The following SMC1B variants were observed in gnomAD, a reference collection of about 807,000 sequenced individuals.
The protein encoded by SMC1B is structural maintenance of chromosomes 1B.
Under a neutral mutation model 157.9 loss-of-function variants are expected in SMC1B, and 60 were observed. The observed-to-expected ratio is 0.38, with a 90% CI of 0.31 to 0.47. The LOEUF is 0.47. Among genes scored for constraint, SMC1B ranks in the 20% least tolerant of loss-of-function variants. The probability of loss-of-function intolerance (pLI) is 0.99; values close to 1 mark genes in which losing one functional copy is unlikely to be tolerated. For synonymous variants in SMC1B, 445 were observed against 483.0 expected (o/e 0.92, Z 1.03); for missense variants, 1,165 against 1,426.2 (o/e 0.82, Z 2.95).
At chr22:45,381,358 A>G (rs1456475468) in intron 12 of SMC1B, among the ~76,000 whole-genome samples, 2 of 152,094 alleles carry the variant, frequency 1.3e-5, no homozygotes, top group African/African-American at 2.4e-5. Context: ...GACTGTCAGT[A>G]CCACCCTGAG....
chr22:45,401,815 G>C (rs1177298927), intron 5 of SMC1B, among the ~76,000 whole-genome samples: 1 of 150,902 alleles, frequency 6.6e-6, no homozygotes, highest in Non-Finnish European at 1.5e-5. Context: ...CTGCATCCTT[G>C]ATTTCCTTGC....
intron 12 of SMC1B, 52 bp from the exon 13 acceptor site, chr22:45,372,344 C>CT: frequency 6.8e-7 from 1 of 1,469,558 alleles, no homozygotes; most frequent in Admixed American, 2.2e-5. Flanking sequence ...AGCACTTTCA[C>CT]TTTTCAAAGT....
At chr22:45,397,140 T>G (rs574135561) in intron 6 of SMC1B, among the ~76,000 whole-genome samples, 1 of 151,870 alleles carries the variant, frequency 6.6e-6, no homozygotes, top group South Asian at 2.1e-4. Context: ...GAAAAAAATA[T>G]ATCATTTTCT....
At chr22:45,410,828 AAG>A (rs1450737942) in intron 1 of SMC1B, among the ~76,000 whole-genome samples, 4 of 152,230 alleles carry the variant, frequency 2.6e-5, no homozygotes, top group African/African-American at 9.6e-5. Flanking sequence ...TCTTTCTAAA[AAG>A]AACTAGAAAT....
intron 5 of SMC1B, 82 bp from the exon 6 acceptor site, chr22:45,399,435 C>T (rs2087166519): frequency 1.5e-6 from 2 of 1,321,182 alleles, no homozygotes; most frequent in African/African-American, 1.5e-5. Context: ...GATCAAACCA[C>T]TTTAAAAAAG....
chr22:45,393,407 C>A (rs2087084282), intron 9 of SMC1B, among the ~76,000 whole-genome samples: 1 of 152,162 alleles, frequency 6.6e-6, no homozygotes. Flanking sequence ...TCATGTCAAG[C>A]TTCTCCCCAA....
chr22:45,371,611 T>C, intron 13 of SMC1B, 24 bp from the exon 14 acceptor site: 1 of 1,572,590 alleles, frequency 6.4e-7, no homozygotes, highest in Non-Finnish European at 8.6e-7. Context: ...AGAAAAATTT[T>C]TTTAACATGG....
At chr22:45,371,636 T>C in intron 13 of SMC1B, 49 bp from the exon 14 acceptor site, 3 of 1,542,744 alleles carry the variant, frequency 1.9e-6, no homozygotes, top group Non-Finnish European at 2.6e-6. Flanking sequence ...TTTAGCTTTA[T>C]ATAGTGAAGC....
intron 9 of SMC1B, among the ~76,000 whole-genome samples, chr22:45,392,602 A>C (rs2146830522): frequency 6.6e-6 from 1 of 152,154 alleles, no homozygotes; most frequent in South Asian, 2.1e-4. Flanking sequence ...AACATTTAGG[A>C]GTCAGAAAGT....
intron 10 of SMC1B, among the ~76,000 whole-genome samples, chr22:45,388,821 C>CA (rs893725303): frequency 1.8e-4 from 27 of 149,842 alleles, no homozygotes; most frequent in South Asian, 4.2e-4. Flanking sequence ...ACTAAAAATA[C>CA]AAAAAAAAGA....
At chr22:45,405,640 A>G (rs2087250927) in intron 4 of SMC1B, among the ~76,000 whole-genome samples, 1 of 152,224 alleles carries the variant, frequency 6.6e-6, no homozygotes, top group Admixed American at 6.5e-5. Flanking sequence ...CACTTTAACT[A>G]CAACTGAAGA....
At chr22:45,383,301 T>G (rs2086955934) in intron 12 of SMC1B, among the ~76,000 whole-genome samples, 166 bp downstream of exon 12, 1 of 152,148 alleles carries the variant, frequency 6.6e-6, no homozygotes, top group Non-Finnish European at 1.5e-5. Flanking sequence ...CTCTGAGATA[T>G]AAGGAAGAGA....
At chr22:45,392,316 G>C (rs1294468046) in intron 9 of SMC1B, among the ~76,000 whole-genome samples, 2 of 152,026 alleles carry the variant, frequency 1.3e-5, no homozygotes, top group African/African-American at 4.8e-5. Context: ...CTAGATCAAG[G>C]AATACTAGGT....
At chr22:45,366,044 GA>G (rs1269208271) in intron 15 of SMC1B, among the ~76,000 whole-genome samples, 1 of 151,682 alleles carries the variant, frequency 6.6e-6, no homozygotes, top group African/African-American at 2.4e-5. Context: ...TTGTTTTTGA[GA>G]CAGAGTCTCC....
At chr22:45,377,497 G>A (rs1394682380) in intron 12 of SMC1B, among the ~76,000 whole-genome samples, 3 of 151,910 alleles carry the variant, frequency 2.0e-5, no homozygotes, top group African/African-American at 4.8e-5. Context: ...AATTAGCTGG[G>A]CATGGTGGTG....
intron 21 of SMC1B, among the ~76,000 whole-genome samples, chr22:45,353,261 C>CAA (rs11311805): frequency 7.8e-4 from 80 of 102,578 alleles, no homozygotes; most frequent in African/African-American, 2.7e-3. Flanking sequence ...AACTCTGTCT[C>CAA]AAAAAAAAAA....
At chr22:45,358,428 C>A (rs923756058) in intron 19 of SMC1B, among the ~76,000 whole-genome samples, 3 of 152,148 alleles carry the variant, frequency 2.0e-5, no homozygotes, top group Non-Finnish European at 4.4e-5. Flanking sequence ...CTGATGCTAA[C>A]TCCAGGTAGA....
At chr22:45,349,005 A>G (rs963694050) in intron 23 of SMC1B, among the ~76,000 whole-genome samples, 1 of 148,408 alleles carries the variant, frequency 6.7e-6, no homozygotes, top group Non-Finnish European at 1.5e-5. Context: ...AGCCCAGCCT[A>G]CAAGGACTGA....
At chr22:45,390,859 T>C (rs9614657) in intron 9 of SMC1B, among the ~76,000 whole-genome samples, 94,696 of 152,142 alleles carry the variant, frequency 0.62, 31,982 homozygotes, top group African/African-American at 0.89. Flanking sequence ...TCTAGAATAT[T>C]TGAAGGTTTA....
Sources: allele counts gnomAD v4.1 joint callset (sites outside exome capture counted in the v4.1 genomes callset), GRCh38; gene constraint gnomAD v4.1.1; transcripts MANE v1.5; gene names NCBI Gene and HGNC (gene_info 2026-07-23, HGNC 2026-07-21).